INKA1: variants seen among roughly 807,000 people sequenced by gnomAD.
INKA1 encodes inka box actin regulator 1.
A neutral mutation model predicts 21.3 loss-of-function variants in INKA1; 14 were observed. That is an observed-to-expected ratio of 0.66 (90% CI 0.43 to 1.03). INKA1 has a LOEUF of 1.03. INKA1 is among the 50% of genes least tolerant of loss of function. INKA1 has a pLI of 0.00. For missense variants in INKA1, 353 were observed against 379.0 expected (o/e 0.93, Z 0.57); for synonymous variants, 133 against 143.3 (o/e 0.93, Z 0.51).
chr3:49,803,555 G>C lies in INKA1; in HGVS notation c.51+112G>C, dbSNP rs1419465693. 4 of 1,122,372 alleles carry C rather than the reference G, an allele frequency of 3.6e-6. No individual in the cohort carries two copies. The highest frequency in any genetic ancestry group is 1.7e-5 in the African/African-American group (1 of 60,582). The allele number at this position is 1,122,372 out of a possible 1,614,324, so 69.5% of individuals were successfully genotyped here. A position where few individuals can be genotyped will look rare whatever the true frequency, so the allele number is the denominator to read the frequency against. ...TGGCTCCAGCGTGCCGGTCCGAGGC[G>C]GGGTGGGGGCGGCGTGGCGCATATG... is the stretch of plus-strand genomic sequence containing the variant. On this transcript the variant is annotated intron_variant, in intron 1 of 1. Coordinates refer to ENST00000333323, the MANE Select transcript of INKA1 (RefSeq NM_203370.2). This position sits in a 1 kb window ranked among gnomAD's most constrained non-coding sequence, Gnocchi z 4.8.
Position 49,804,442 on chromosome 3 carries a change from C to T in INKA1, c.313C>T (p.Arg105Ter), listed in dbSNP as rs375302194. 26 of 1,613,360 alleles carry T rather than the reference C, an allele frequency of 1.6e-5. No homozygotes were observed. Among genetic ancestry groups the T allele is most frequent in the Non-Finnish European group, 1.9e-5 (22 of 1,180,000 alleles). Residue 105 changes from arginine to a stop codon, truncating the protein, a stop_gained, in exon 2 of 2, where the codon CGA becomes TGA. Coordinates refer to ENST00000333323, the MANE Select transcript of INKA1 (RefSeq NM_203370.2). LOFTEE classifies it high-confidence loss of function. This position sits in a 1 kb window ranked among gnomAD's most constrained non-coding sequence, Gnocchi z 6.7. ...GFSEVSGSTW[R>*]EEELPVSQRP... ...CTCGGAGGTGTCAGGCAGCACATGG[C>T]GAGAGGAAGAACTGCCTGTATCCCA...
In INKA1 at chr3:49,804,373, T is replaced by G; in HGVS notation, c.244T>G (p.Leu82Val). The G allele has an allele frequency of 6.2e-7, 1 of 1,612,674 alleles. No homozygotes were observed. Among genetic ancestry groups the G allele is most frequent in the South Asian group, 1.1e-5 (1 of 91,050 alleles). ...AVVTEDRDAA[L>V]GGPREHALDW... ...GGTGACAGAAGACAGGGATGCAGCC[T>G]TGGGAGGCCCCAGGGAGCATGCCCT... is the stretch of plus-strand genomic sequence containing the variant. Residue 82 changes from leucine (L) to valine (V), a missense_variant, in exon 2 of 2, where the codon TTG becomes GTG. Transcript: ENST00000333323. This position sits in a 1 kb window ranked among gnomAD's most constrained non-coding sequence, Gnocchi z 6.7.
In INKA1 at chr3:49,804,952, C is replaced by T. The variant is rs759272477; in HGVS notation, c.823C>T (p.Gln275Ter). The T allele has an allele frequency of 5.0e-6, 8 of 1,611,698 alleles. No individual in the cohort carries two copies. The highest frequency in any genetic ancestry group is 6.8e-6 in the Non-Finnish European group (8 of 1,178,856). Residue 275 changes from glutamine to a stop codon, truncating the protein, a stop_gained, in exon 2 of 2, where the codon CAG becomes TAG. Coordinates refer to ENST00000333323, the MANE Select transcript of INKA1 (RefSeq NM_203370.2). LOFTEE classifies it high-confidence loss of function. This position sits in a 1 kb window ranked among gnomAD's most constrained non-coding sequence, Gnocchi z 6.7. ...AGCTCTCATGAGCTGTCGTAGCCGC[C>T]AGCCCATCATCTGCAATGATGTCAG... ...FAALMSCRSR[Q>*]PIICNDVSYL
chr3:49,803,890 C>A lies in INKA1; in HGVS notation c.52-291C>A, dbSNP rs2081403119. Among the ~76,000 whole-genome samples the A allele has an allele frequency of 1.3e-5, 2 of 152,196 alleles. No homozygotes were observed. The highest frequency in any genetic ancestry group is 4.8e-5 in the African/African-American group (2 of 41,458). On this transcript the variant is annotated intron_variant, in intron 1 of 1. Coordinates refer to ENST00000333323, the MANE Select transcript of INKA1 (RefSeq NM_203370.2). This position sits in a 1 kb window ranked among gnomAD's most constrained non-coding sequence, Gnocchi z 4.8. ...CACGGGATGCCCCTCCAGTCCTGGG[C>A]AGGACCTACTTCCCCGTTCAGGCCC...
At position 49,803,361 on chromosome 3, in the gene INKA1, C is replaced by T; in HGVS notation, c.-32C>T. The T allele has an allele frequency of 1.3e-6, 2 of 1,503,774 alleles. No homozygotes were observed. Among genetic ancestry groups the T allele is most frequent in the Non-Finnish European group, 1.8e-6 (2 of 1,129,974 alleles). 93.2% of individuals were successfully genotyped at this position (1,503,774 alleles called of 1,614,324 possible). A position where few individuals can be genotyped will look rare whatever the true frequency, so the allele number is the denominator to read the frequency against. Reference sequence around the variant, plus strand: ...GGCTCCGCCGGGGTTCCAAGAGGAGCTAGTAGGTTCGGTGGGGGCCCTGGC... The same window carrying T: ...GGCTCCGCCGGGGTTCCAAGAGGAGTTAGTAGGTTCGGTGGGGGCCCTGGC... On this transcript the variant is annotated 5_prime_UTR_variant, in exon 1 of 2. Transcript: ENST00000333323. The surrounding 1 kb of genome is among the most constrained non-coding windows in gnomAD (Gnocchi z 4.8).
At position 49,803,392 on chromosome 3, in the gene INKA1, C is replaced by T; in HGVS notation, c.-1C>T. 6.5e-7 allele frequency: 1 copy of T among 1,543,978 alleles called. No individual in the cohort carries two copies. Among genetic ancestry groups the T allele is most frequent in the Non-Finnish European group, 8.7e-7 (1 of 1,148,390 alleles). ...GGTTCGGTGGGGGCCCTGGCATGGA[C>T]ATGCACAGCGCTCGGCTTGACAGCT... On this transcript the variant is annotated 5_prime_UTR_variant, in exon 1 of 2. Transcript: ENST00000333323. This position sits in a 1 kb window ranked among gnomAD's most constrained non-coding sequence, Gnocchi z 4.8.
rs138198891 is a variant in INKA1 at position 49,804,370 on chromosome 3, G to A, written c.241G>A (p.Ala81Thr). ...EAVVTEDRDA[A>T]LGGPREHALD... ...AGTGGTGACAGAAGACAGGGATGCA[G>A]CCTTGGGAGGCCCCAGGGAGCATGC... Residue 81 changes from alanine (A) to threonine (T), a missense_variant, in exon 2 of 2, where the codon GCC becomes ACC. Ala to Thr is a moderately conservative substitution (Grantham distance 58). Transcript: ENST00000333323. The surrounding 1 kb of genome is among the most constrained non-coding windows in gnomAD (Gnocchi z 6.7). 132 of 1,613,404 alleles carry A rather than the reference G, an allele frequency of 8.2e-5. No individual in the cohort carries two copies. Among genetic ancestry groups the A allele is most frequent in the East Asian group, 1.1e-4 (5 of 44,876 alleles).
Position 49,803,965 on chromosome 3 carries a change from C to T in INKA1, c.52-216C>T, listed in dbSNP as rs190029574. On this transcript the variant is annotated intron_variant, in intron 1 of 1. Transcript: ENST00000333323. The surrounding 1 kb of genome is among the most constrained non-coding windows in gnomAD (Gnocchi z 4.8). ...GCCCTGGTGGCGGGTGCCGACTTGCCCGGCCCTGCATGCTGCAGCCTGCCA... is the reference window on the plus strand; with the variant it reads ...GCCCTGGTGGCGGGTGCCGACTTGCTCGGCCCTGCATGCTGCAGCCTGCCA... Among the ~76,000 whole-genome samples, 77 of 152,266 alleles carry T rather than the reference C, an allele frequency of 5.1e-4. 2 individuals are homozygous for T. The East Asian group carries it at 0.015, about 29-fold the overall frequency.
In INKA1 at chr3:49,804,098, C is replaced by T. The variant is rs972905153; in HGVS notation, c.52-83C>T. ...CTGCTGCCCAGGCCAGCAGGCCTAT[C>T]TAACCTTCCTGGACCCTCTGTTCTC... On this transcript the variant is annotated intron_variant, in intron 1 of 1. Transcript: ENST00000333323. This position sits in a 1 kb window ranked among gnomAD's most constrained non-coding sequence, Gnocchi z 6.7. 8 of 1,276,454 alleles carry T rather than the reference C, an allele frequency of 6.3e-6. No individual in the cohort carries two copies. In the Admixed American group the frequency reaches 1.1e-4, roughly 18 times the overall value. 79.1% of individuals were successfully genotyped at this position (1,276,454 alleles called of 1,614,324 possible). A position where few individuals can be genotyped will look rare whatever the true frequency, so the allele number is the denominator to read the frequency against.
Position 49,803,352 on chromosome 3 carries a change from C to T in INKA1, c.-41C>T. ...TCTCCGCGCGGCTCCGCCGGGGTTC[C>T]AAGAGGAGCTAGTAGGTTCGGTGGG... is the stretch of plus-strand genomic sequence containing the variant. On this transcript the variant is annotated 5_prime_UTR_variant, in exon 1 of 2. Coordinates refer to ENST00000333323, the MANE Select transcript of INKA1 (RefSeq NM_203370.2). The surrounding 1 kb of genome is among the most constrained non-coding windows in gnomAD (Gnocchi z 4.8). 1 of 1,483,480 alleles carries T rather than the reference C, an allele frequency of 6.7e-7. No homozygotes were observed. Among genetic ancestry groups the T allele is most frequent in the Non-Finnish European group, 8.9e-7 (1 of 1,120,552 alleles). 91.9% of individuals were successfully genotyped at this position (1,483,480 alleles called of 1,614,324 possible). A position where few individuals can be genotyped will look rare whatever the true frequency, so the allele number is the denominator to read the frequency against.
At position 49,803,365 on chromosome 3, in the gene INKA1, T is replaced by C. The variant is rs769266647; in HGVS notation, c.-28T>C. The C allele has an allele frequency of 1.3e-6, 2 of 1,506,434 alleles. No individual in the cohort carries two copies. The highest frequency in any genetic ancestry group is 1.4e-5 in the African/African-American group (1 of 69,062). The allele number at this position is 1,506,434 out of a possible 1,614,324, so 93.3% of individuals were successfully genotyped here. On this transcript the variant is annotated 5_prime_UTR_variant, in exon 1 of 2. Transcript: ENST00000333323. This position sits in a 1 kb window ranked among gnomAD's most constrained non-coding sequence, Gnocchi z 4.8. ...CCGCCGGGGTTCCAAGAGGAGCTAGTAGGTTCGGTGGGGGCCCTGGCATGG... is the reference window on the plus strand; with the variant it reads ...CCGCCGGGGTTCCAAGAGGAGCTAGCAGGTTCGGTGGGGGCCCTGGCATGG...
chr3:49,803,519 C>T lies in INKA1; in HGVS notation c.51+76C>T, dbSNP rs950112237. On this transcript the variant is annotated intron_variant, in intron 1 of 1. Coordinates refer to ENST00000333323, the MANE Select transcript of INKA1 (RefSeq NM_203370.2). The surrounding 1 kb of genome is among the most constrained non-coding windows in gnomAD (Gnocchi z 4.8). ...GCTGCCGCCCGGCCGGAACAACAGACGGGTGCGGGGTGGCTCCAGCGTGCC... is the reference window on the plus strand; with the variant it reads ...GCTGCCGCCCGGCCGGAACAACAGATGGGTGCGGGGTGGCTCCAGCGTGCC... 2.9e-5 allele frequency: 42 copies of T among 1,444,280 alleles called. No homozygotes were observed. Among genetic ancestry groups the T allele is most frequent in the Admixed American group, 2.2e-5 (1 of 46,342 alleles). 89.5% of individuals were successfully genotyped at this position (1,444,280 alleles called of 1,614,324 possible). A position where few individuals can be genotyped will look rare whatever the true frequency, so the allele number is the denominator to read the frequency against.
rs766185057 is a variant in INKA1, at chr3:49,804,773, G to A, written c.644G>A (p.Arg215His). 3.1e-5 allele frequency: 50 copies of A among 1,613,182 alleles called. No individual in the cohort carries two copies. Among genetic ancestry groups the A allele is most frequent in the Non-Finnish European group, 3.7e-5 (44 of 1,180,024 alleles). The change falls in exon 2 of 2, where the codon CGT becomes CAT. Residue 215 changes from arginine (R) to histidine (H), a missense_variant. By Grantham distance (29) the Arg-to-His change is conservative. Transcript: ENST00000333323. The surrounding 1 kb of genome is among the most constrained non-coding windows in gnomAD (Gnocchi z 6.7). ...GSEGGDGGGH[R>H]ARARPPQFLL... ...GAAGGGGGTGACGGAGGTGGGCACC[G>A]TGCCCGTGCTCGGCCCCCTCAGTTC...
chr3:49,803,353 A>T lies in INKA1; in HGVS notation c.-40A>T, dbSNP rs2081394951. 1 of 1,483,558 alleles carries T rather than the reference A, an allele frequency of 6.7e-7. No homozygotes were observed. 91.9% of individuals were successfully genotyped at this position (1,483,558 alleles called of 1,614,324 possible). On this transcript the variant is annotated 5_prime_UTR_variant, in exon 1 of 2. Transcript: ENST00000333323. This position sits in a 1 kb window ranked among gnomAD's most constrained non-coding sequence, Gnocchi z 4.8. The stretch of plus-strand genomic sequence containing the variant: ...CTCCGCGCGGCTCCGCCGGGGTTCC[A>T]AGAGGAGCTAGTAGGTTCGGTGGGG...
chr3:49,804,788 CCCCT>C lies in INKA1; in HGVS notation c.661_664del (p.Pro221SerfsTer48). 6.2e-7 allele frequency: 1 copy of C among 1,613,300 alleles called. No individual in the cohort carries two copies. Among genetic ancestry groups the C allele is most frequent in the Non-Finnish European group, 8.5e-7 (1 of 1,180,030 alleles). On this transcript the variant is annotated frameshift_variant, in exon 2 of 2. Coordinates refer to ENST00000333323, the MANE Select transcript of INKA1 (RefSeq NM_203370.2). LOFTEE classifies it high-confidence loss of function. The surrounding 1 kb of genome is among the most constrained non-coding windows in gnomAD (Gnocchi z 6.7). ...GGTGGGCACCGTGCCCGTGCTCGGC[CCCCT>C]CAGTTCCTGCTTGGCCTCTCTGAGC...
rs763259211 is a variant in INKA1 at position 49,804,373 on chromosome 3, T to C, written c.244T>C (p.Leu82=). 1 of 1,612,674 alleles carries C rather than the reference T, an allele frequency of 6.2e-7. No homozygotes were observed. The highest frequency in any genetic ancestry group is 2.2e-5 in the East Asian group (1 of 44,804). The part of the protein sequence containing the change: ...AVVTEDRDAA[L]GGPREHALDW... Reference sequence around the variant, plus strand: ...GGTGACAGAAGACAGGGATGCAGCCTTGGGAGGCCCCAGGGAGCATGCCCT... The same window carrying C: ...GGTGACAGAAGACAGGGATGCAGCCCTGGGAGGCCCCAGGGAGCATGCCCT... Residue 82 remains leucine, a synonymous_variant, in exon 2 of 2, where the codon TTG becomes CTG. Coordinates refer to ENST00000333323, the MANE Select transcript of INKA1 (RefSeq NM_203370.2). The surrounding 1 kb of genome is among the most constrained non-coding windows in gnomAD (Gnocchi z 6.7).
rs1009434728 is a variant in INKA1, at chr3:49,803,972, T to G, written c.52-209T>G. Among the ~76,000 whole-genome samples the G allele has an allele frequency of 6.6e-6, 1 of 152,106 alleles. No individual in the cohort carries two copies. The highest frequency in any genetic ancestry group is 1.5e-5 in the Non-Finnish European group (1 of 67,980). On this transcript the variant is annotated intron_variant, in intron 1 of 1. Transcript: ENST00000333323. The surrounding 1 kb of genome is among the most constrained non-coding windows in gnomAD (Gnocchi z 4.8). The stretch of plus-strand genomic sequence containing the variant: ...TGGCGGGTGCCGACTTGCCCGGCCC[T>G]GCATGCTGCAGCCTGCCAGACTGCC...
chr3:49,803,521 G>A lies in INKA1; in HGVS notation c.51+78G>A, dbSNP rs2081398237. 4 of 1,420,336 alleles carry A rather than the reference G, an allele frequency of 2.8e-6. No homozygotes were observed. The highest frequency in any genetic ancestry group is 1.3e-5 in the South Asian group (1 of 78,258). 88.0% of individuals were successfully genotyped at this position (1,420,336 alleles called of 1,614,324 possible). Reference sequence around the variant, plus strand: ...TGCCGCCCGGCCGGAACAACAGACGGGTGCGGGGTGGCTCCAGCGTGCCGG... The same window carrying A: ...TGCCGCCCGGCCGGAACAACAGACGAGTGCGGGGTGGCTCCAGCGTGCCGG... On this transcript the variant is annotated intron_variant, in intron 1 of 1. Coordinates refer to ENST00000333323, the MANE Select transcript of INKA1 (RefSeq NM_203370.2). The surrounding 1 kb of genome is among the most constrained non-coding windows in gnomAD (Gnocchi z 4.8).
At position 49,803,335 on chromosome 3, in the gene INKA1, C is replaced by A; in HGVS notation, c.-58C>A. 6.9e-7 allele frequency: 1 copy of A among 1,458,384 alleles called. No individual in the cohort carries two copies. The highest frequency in any genetic ancestry group is 9.0e-7 in the Non-Finnish European group (1 of 1,106,060). The allele number at this position is 1,458,384 out of a possible 1,614,324, so 90.3% of individuals were successfully genotyped here. On this transcript the variant is annotated 5_prime_UTR_variant, in exon 1 of 2. Coordinates refer to ENST00000333323, the MANE Select transcript of INKA1 (RefSeq NM_203370.2). The surrounding 1 kb of genome is among the most constrained non-coding windows in gnomAD (Gnocchi z 4.8). ...GCCGGCCCTCCCAGCCCTCTCCGCG[C>A]GGCTCCGCCGGGGTTCCAAGAGGAG...
Sources: gnomAD v4.1 joint callset for allele counts (sites outside exome capture counted in the v4.1 genomes callset) on GRCh38, gnomAD v4.1.1 for gene constraint, Gnocchi (gnomAD v3.1) non-coding constraint, MANE v1.5 for transcripts, NCBI Gene and HGNC (gene_info 2026-07-23, HGNC 2026-07-21) for gene names.